Variants in PPWD1 observed in about 807,000 individuals in gnomAD.
PPWD1 encodes the protein peptidylprolyl isomerase domain and WD repeat-containing protein 1.
Under a neutral mutation model 68.8 loss-of-function variants are expected in PPWD1, and 43 were observed. The ratio of observed to expected loss-of-function variants is 0.62; its 90% CI spans 0.49 to 0.81. The LOEUF is 0.81. Ranked by LOEUF, PPWD1 falls within the 30% of genes least tolerant of loss-of-function variation. The pLI is 0.00. For missense variants in PPWD1, 672 were observed against 804.8 expected, an observed-to-expected ratio of 0.83 and a Z score of 2.00; for synonymous variants, 232 against 258.7, an observed-to-expected ratio of 0.90 and a Z score of 0.99.
intron 1 of PPWD1, 45 bp downstream of exon 1, chr5:65,563,551 G>T: frequency 6.4e-7 from 1 of 1,561,880 alleles, no homozygotes; most frequent in Non-Finnish European, 8.7e-7. Context: ...TGCTGCGTCC[G>T]CTGAGTAGGA....
intron 7 of PPWD1, 67 bp downstream of exon 7, chr5:65,579,680 T>C (rs1753511011): frequency 1.7e-6 from 2 of 1,189,152 alleles, no homozygotes; most frequent in East Asian, 5.9e-5. Context: ...TTTCTTTGTT[T>C]GTACCTTCAA....
At chr5:65,584,671 A>G (rs1172873557) in intron 8 of PPWD1, among the ~76,000 whole-genome samples, 1 of 152,168 alleles carries the variant, frequency 6.6e-6, no homozygotes, top group Admixed American at 6.5e-5. Flanking sequence ...AGCCTAGGCA[A>G]TATAGTGAGA....
rs1276736846 is a variant in PPWD1, at chr5:65,572,217, T to C, written c.900T>C (p.Ser300=). The C allele has an allele frequency of 1.2e-6, 2 of 1,612,778 alleles. No individual in the cohort carries two copies. Among genetic ancestry groups the C allele is most frequent in the Non-Finnish European group, 1.7e-6 (2 of 1,178,960 alleles). Reference sequence around the variant, plus strand: ...GGAAGAAAATAGCTACTATTGGTTCTGATAGAAAAGTTAGAATTTTCAGAT... The same window carrying C: ...GGAAGAAAATAGCTACTATTGGTTCCGATAGAAAAGTTAGAATTTTCAGAT... ...PDGKKIATIG[S]DRKVRIFRFV... is the part of the protein sequence containing the mutation. Residue 300 remains serine (S), a synonymous_variant, in exon 5 of 11, where the codon TCT becomes TCC. Coordinates refer to ENST00000261308, the MANE Select transcript of PPWD1 (RefSeq NM_015342.4).
chr5:65,577,567 A>AG (rs1438466459), intron 6 of PPWD1, among the ~76,000 whole-genome samples: 2 of 152,246 alleles, frequency 1.3e-5, no homozygotes, highest in Non-Finnish European at 2.9e-5. Flanking sequence ...TATTTTAAGG[A>AG]GAAAAAAATG....
intron 1 of PPWD1, chr5:65,563,884 G>A (rs943542965): frequency 1.2e-5 from 17 of 1,443,884 alleles, no homozygotes; most frequent in Non-Finnish European, 1.6e-5. Context: ...TAGTTCAGGA[G>A]TGGTGTTAAT....
chr5:65,584,957 A>C, intron 8 of PPWD1, 57 bp from the exon 9 acceptor site: 1 of 1,574,624 alleles, frequency 6.4e-7, no homozygotes, highest in Non-Finnish European at 8.6e-7. Flanking sequence ...AACTGCAAAG[A>C]AAACTGTTTT....
intron 1 of PPWD1, among the ~76,000 whole-genome samples, chr5:65,565,220 A>C (rs1318236957): frequency 6.6e-6 from 1 of 152,240 alleles, no homozygotes; most frequent in Non-Finnish European, 1.5e-5. Flanking sequence ...TAAGAACCAG[A>C]ATCACGCCTT....
chr5:65,573,476 T>TATATATATATATATA (rs201295161), intron 5 of PPWD1, among the ~76,000 whole-genome samples: 69 of 59,604 alleles, frequency 1.2e-3, no homozygotes, highest in South Asian at 1.4e-3. Flanking sequence ...TATATATATA[T>TATATATATATATATA]TTTTTTTTTA....
chr5:65,576,049 A>G (rs1202353031), intron 5 of PPWD1, among the ~76,000 whole-genome samples: 1 of 152,232 alleles, frequency 6.6e-6, no homozygotes, highest in Non-Finnish European at 1.5e-5. Context: ...GATATGCTGA[A>G]AGTGTAAAAT....
intron 8 of PPWD1, among the ~76,000 whole-genome samples, chr5:65,583,737 C>T (rs1265636223): frequency 6.6e-6 from 1 of 151,540 alleles, no homozygotes; most frequent in East Asian, 1.9e-4. Context: ...TCAGTGGAGG[C>T]CAGCAGTTTG....
chr5:65,570,772 TC>T (rs1170391317), intron 4 of PPWD1, among the ~76,000 whole-genome samples: 1 of 151,978 alleles, frequency 6.6e-6, no homozygotes, highest in African/African-American at 2.4e-5. Flanking sequence ...GAAAGGGAGA[TC>T]TTTTTTTCTT....
At chr5:65,579,798 A>G (rs763070234) in intron 7 of PPWD1, among the ~76,000 whole-genome samples, 185 bp downstream of exon 7, 1 of 152,208 alleles carries the variant, frequency 6.6e-6, no homozygotes, top group Non-Finnish European at 1.5e-5. Context: ...GTATTTCTGT[A>G]CTGTTTTCCA....
chr5:65,579,888 A>G (rs1753519914), intron 7 of PPWD1, among the ~76,000 whole-genome samples: 1 of 152,264 alleles, frequency 6.6e-6, no homozygotes, highest in Non-Finnish European at 1.5e-5. Flanking sequence ...GGTTATAGTC[A>G]TAATTACATC....
At position 65,567,483 on chromosome 5, in the gene PPWD1, A is replaced by G. The variant is rs1428066151; in HGVS notation, c.197-30A>G. 3.8e-6 allele frequency: 6 copies of G among 1,573,136 alleles called. No individual in the cohort carries two copies. The South Asian group carries it at 7.1e-5, about 19-fold the overall frequency. ...AGTATTTGGTTTATTTGTTAAAAAT[A>G]GATCTTATACTTTACTTTTTTTTCT... On this transcript the variant is annotated intron_variant, in intron 1 of 10. Transcript: ENST00000261308.
chr5:65,567,186 T>A (rs1266248844), intron 1 of PPWD1, among the ~76,000 whole-genome samples: 1 of 152,110 alleles, frequency 6.6e-6, no homozygotes, highest in Non-Finnish European at 1.5e-5. Flanking sequence ...TTTTCCTTTT[T>A]CTTTCTTTTT....
intron 8 of PPWD1, among the ~76,000 whole-genome samples, chr5:65,583,482 T>C (rs562175123): frequency 5.3e-5 from 8 of 152,332 alleles, no homozygotes; most frequent in Non-Finnish European, 8.8e-5. Context: ...TGTAAAGTGA[T>C]ACACAAATGT....
At chr5:65,580,375 ATTTGC>A (rs1753540893) in intron 7 of PPWD1, among the ~76,000 whole-genome samples, 1 of 151,940 alleles carries the variant, frequency 6.6e-6, no homozygotes, top group Non-Finnish European at 1.5e-5. Flanking sequence ...TTTTTCATTC[ATTTGC>A]TACACGAACC....
rs1463926307 is a variant in PPWD1 at position 65,578,747 on chromosome 5, C to CACACATATATGTGTATATATATAT, written c.1161-673_1161-650dup. Among the ~76,000 whole-genome samples the CACACATATATGTGTATATATATAT allele has an allele frequency of 4.2e-3, 550 of 130,018 alleles. 5 individuals carry two copies. Among genetic ancestry groups the CACACATATATGTGTATATATATAT allele is most frequent in the African/African-American group, 0.016 (507 of 32,370 alleles). The allele number at this position is 130,018 out of a possible 152,430, so 85.3% of individuals were successfully genotyped here. A position where few individuals can be genotyped will look rare whatever the true frequency, so the allele number is the denominator to read the frequency against. The stretch of plus-strand genomic sequence containing the variant: ...ACATATATATATACATATATATATA[C>CACACATATATGTGTATATATATAT]ACACATATATGTGTATATATATATA... On this transcript the variant is annotated intron_variant, in intron 6 of 10. Transcript: ENST00000261308.
At chr5:65,569,047 A>C (rs1581149525) in intron 2 of PPWD1, 3 of 455,408 alleles carry the variant, frequency 6.6e-6, no homozygotes, top group South Asian at 3.1e-5. Flanking sequence ...ATGATGATAA[A>C]AATACGTAGA....
Sources: allele counts gnomAD v4.1 joint callset (sites outside exome capture counted in the v4.1 genomes callset), GRCh38; gene constraint gnomAD v4.1.1; transcripts MANE v1.5; gene names NCBI Gene and HGNC (gene_info 2026-07-23, HGNC 2026-07-21).